Variants in ACOT7 observed in about 807,000 individuals in gnomAD.
ACOT7 encodes the protein cytosolic acyl coenzyme A thioester hydrolase.
A neutral mutation model predicts 40.2 loss-of-function variants in ACOT7; 12 were observed. The observed-to-expected ratio is 0.30, with a 90% CI of 0.19 to 0.48. The LOEUF (loss-of-function observed/expected upper bound fraction) is 0.48. Ranked by LOEUF, ACOT7 falls within the 20% of genes least tolerant of loss-of-function variation. The probability of loss-of-function intolerance (pLI) is 0.99; values close to 1 mark genes in which losing one functional copy is unlikely to be tolerated. For synonymous variants in ACOT7, 228 were observed against 219.5 expected (o/e 1.04, Z -0.34); for missense variants, 395 against 530.8 (o/e 0.74, Z 2.51).
At chr1:6,385,828 G>A (rs1357140752) in intron 1 of ACOT7, 12 of 1,382,696 alleles carry the variant, frequency 8.7e-6, no homozygotes, top group Non-Finnish European at 1.1e-5. Flanking sequence ...TCCCCCACCA[G>A]CCCCCGGCAA....
At chr1:6,385,120 C>G (rs1230324328) in intron 1 of ACOT7, among the ~76,000 whole-genome samples, 1 of 151,900 alleles carries the variant, frequency 6.6e-6, no homozygotes, top group Non-Finnish European at 1.5e-5. Flanking sequence ...GGTCTAAAAT[C>G]ACAGCTCAAC....
At chr1:6,281,046 G>C in intron 8 of ACOT7, 56 bp downstream of exon 8, 1 of 1,576,598 alleles carries the variant, frequency 6.3e-7, no homozygotes, top group Non-Finnish European at 8.6e-7. Flanking sequence ...CCCAAACACA[G>C]GGACCCTAGG....
chr1:6,305,210 C>A (rs140190150), intron 6 of ACOT7, among the ~76,000 whole-genome samples: 10,221 of 148,374 alleles, frequency 0.069, 904 homozygotes, highest in African/African-American at 0.2. Context: ...CTGTCCCCCC[C>A]ACATCCTTCC....
chr1:6,291,411 G>A (rs538909240), intron 7 of ACOT7, among the ~76,000 whole-genome samples: 1 of 152,112 alleles, frequency 6.6e-6, no homozygotes, highest in Non-Finnish European at 1.5e-5. Context: ...GAAGCTGGAA[G>A]GGGCAGGGAC....
chr1:6,266,575 G>A (rs12057361), intron 8 of ACOT7, among the ~76,000 whole-genome samples: 3,232 of 152,330 alleles, frequency 0.021, 126 homozygotes, highest in African/African-American at 0.072. Flanking sequence ...GCAGGGCCCT[G>A]CCCCCTTTCC....
chr1:6,386,031 A>G (rs1642435504), intron 1 of ACOT7, among the ~76,000 whole-genome samples: 1 of 152,154 alleles, frequency 6.6e-6, no homozygotes, highest in Non-Finnish European at 1.5e-5. Flanking sequence ...AGGACCTTAA[A>G]CCTCGCACCA....
At chr1:6,345,687 C>T (rs932357720) in intron 2 of ACOT7, among the ~76,000 whole-genome samples, 1 of 152,218 alleles carries the variant, frequency 6.6e-6, no homozygotes, top group Non-Finnish European at 1.5e-5. Context: ...TGCCCAGCCC[C>T]GGCCGTCTTC....
intron 8 of ACOT7, among the ~76,000 whole-genome samples, chr1:6,276,480 TAAAATATTCATGGAGACGC>T (rs1639193596): frequency 6.6e-6 from 1 of 151,506 alleles, no homozygotes; most frequent in Non-Finnish European, 1.5e-5. Context: ...GCCCCCAGCA[TAAAATATTCATGGAGACGC>T]AACTCCAAGC....
At position 6,349,779 on chromosome 1, in the gene ACOT7, G is replaced by A. The variant is rs751965758; in HGVS notation, c.231C>T (p.Ile77=). The A allele has an allele frequency of 6.2e-7, 1 of 1,614,068 alleles. No individual in the cohort carries two copies. The highest frequency in any genetic ancestry group is 8.5e-7 in the Non-Finnish European group (1 of 1,180,000). ...TCTGGCTGTTGCAATGCCGGGTGCT[G>A]ATGATGGCGCCTGCCTCCTCGATCA... ...LKMIEEAGAI[I]STRHCNSQNG... The change falls in exon 2 of 9, where the codon ATC becomes ATT. Residue 77 remains isoleucine, a synonymous_variant. Transcript: ENST00000361521.
chr1:6,364,243 A>G (rs893447205), intron 1 of ACOT7, among the ~76,000 whole-genome samples: 38 of 152,048 alleles, frequency 2.5e-4, no homozygotes, highest in African/African-American at 9.2e-4. Context: ...CAAAAGTAAC[A>G]TCTAAAAGCA....
chr1:6,334,193 C>G (rs1641037783), intron 3 of ACOT7, among the ~76,000 whole-genome samples: 1 of 152,256 alleles, frequency 6.6e-6, no homozygotes, highest in East Asian at 1.9e-4. Flanking sequence ...GCCCGCTTCA[C>G]CTGCTGGCTC....
chr1:6,389,675 T>G (rs1218466508), intron 1 of ACOT7, among the ~76,000 whole-genome samples: 1 of 149,808 alleles, frequency 6.7e-6, no homozygotes, highest in Non-Finnish European at 1.5e-5. Context: ...TCCCAACTAC[T>G]CAGGAGGCTG....
At chr1:6,300,465 T>C (rs1452777498) in intron 6 of ACOT7, among the ~76,000 whole-genome samples, 1 of 151,332 alleles carries the variant, frequency 6.6e-6, no homozygotes, top group African/African-American at 2.4e-5. Context: ...GCCCCTCCCC[T>C]CTCCACAAAC....
At chr1:6,293,758 T>C (rs2148394454) in intron 7 of ACOT7, among the ~76,000 whole-genome samples, 1 of 152,296 alleles carries the variant, frequency 6.6e-6, no homozygotes, top group South Asian at 2.1e-4. Flanking sequence ...ACCTTCCTTC[T>C]CCTTACCACA....
intron 1 of ACOT7, among the ~76,000 whole-genome samples, chr1:6,354,219 G>A (rs1641674651): frequency 6.6e-6 from 1 of 152,144 alleles, no homozygotes; most frequent in Admixed American, 6.5e-5. Context: ...TGAGGAAGCT[G>A]AGCACACATG....
rs1424892284 is a variant in ACOT7, at chr1:6,306,931, G to C, written c.712+11561C>G. The C allele has an allele frequency of 7.8e-7, 1 of 1,288,530 alleles. No homozygotes were observed. Among genetic ancestry groups the C allele is most frequent in the Admixed American group, 2.3e-5 (1 of 43,514 alleles). 79.8% of individuals were successfully genotyped at this position (1,288,530 alleles called of 1,614,324 possible). On this transcript the variant is annotated intron_variant, in intron 6 of 8. Transcript: ENST00000361521. The surrounding 1 kb of genome is among the most constrained non-coding windows in gnomAD (Gnocchi z 4.3). ...TTCACAACTGCCCCAAGAAGACCAA[G>C]TGAACAAGAGCGTCTTGGTGGAGGC...
chr1:6,334,851 TGTCCCA>T (rs1449446737), intron 3 of ACOT7, among the ~76,000 whole-genome samples: 2 of 152,220 alleles, frequency 1.3e-5, no homozygotes, highest in African/African-American at 4.8e-5. Context: ...CATACTCCCA[TGTCCCA>T]GTCATTTCAG....
At chr1:6,337,858 C>T (rs1407873805) in intron 3 of ACOT7, among the ~76,000 whole-genome samples, 6 of 151,996 alleles carry the variant, frequency 3.9e-5, no homozygotes, top group Admixed American at 2.0e-4. Flanking sequence ...GCCTGTAATC[C>T]CAGCTACTCA....
At chr1:6,349,991 C>A in intron 1 of ACOT7, 125 bp from the exon 2 acceptor site, 1 of 933,596 alleles carries the variant, frequency 1.1e-6, no homozygotes, top group Non-Finnish European at 1.7e-6. Context: ...AGAACCTTCC[C>A]AATGTTTGGG....
Sources: allele counts gnomAD v4.1 joint callset (sites outside exome capture counted in the v4.1 genomes callset), GRCh38; gene constraint gnomAD v4.1.1; non-coding constraint Gnocchi (gnomAD v3.1); transcripts MANE v1.5; gene names NCBI Gene and HGNC (gene_info 2026-07-23, HGNC 2026-07-21).